LRRTM3: variants seen among roughly 807,000 people sequenced by gnomAD.
The protein encoded by LRRTM3 is leucine rich repeat transmembrane neuronal 3.
In LRRTM3, 24 loss-of-function variants were observed where a neutral mutation model predicts 44.7. The ratio of observed to expected loss-of-function variants is 0.54; its 90% CI spans 0.39 to 0.76. The LOEUF (loss-of-function observed/expected upper bound fraction) is 0.76. Ranked by LOEUF, LRRTM3 falls within the 30% of genes least tolerant of loss-of-function variation. The pLI is 0.00. For synonymous variants in LRRTM3, 277 were observed against 278.7 expected, an observed-to-expected ratio of 0.99 and a Z score of 0.06; for missense variants, 587 against 702.2, an observed-to-expected ratio of 0.84 and a Z score of 1.85.
intron 2 of LRRTM3, among the ~76,000 whole-genome samples, chr10:67,048,770 T>A (rs985903797): frequency 1.3e-5 from 2 of 151,976 alleles, no homozygotes; most frequent in Non-Finnish European, 2.9e-5. Context: ...AAAATGACAA[T>A]AACTGAAAAT....
At chr10:67,046,035 A>T (rs1252725296) in intron 2 of LRRTM3, among the ~76,000 whole-genome samples, 1 of 152,328 alleles carries the variant, frequency 6.6e-6, no homozygotes, top group South Asian at 2.1e-4. Context: ...AATAAAAGTG[A>T]AAAAGAAATA....
intron 2 of LRRTM3, among the ~76,000 whole-genome samples, chr10:67,048,937 T>C (rs1164403113): frequency 1.3e-5 from 2 of 152,038 alleles, no homozygotes; most frequent in South Asian, 4.1e-4. Flanking sequence ...CTTAATTTTA[T>C]ACTTAGTTAT....
At chr10:67,093,970 G>A (rs1857814515) in intron 2 of LRRTM3, among the ~76,000 whole-genome samples, 1 of 151,898 alleles carries the variant, frequency 6.6e-6, no homozygotes, top group South Asian at 2.1e-4. Flanking sequence ...CAGGCAGCAG[G>A]TAGTGCACTG....
chr10:66,991,389 T>C (rs1424581620), intron 2 of LRRTM3, among the ~76,000 whole-genome samples: 2 of 152,170 alleles, frequency 1.3e-5, no homozygotes, highest in South Asian at 2.1e-4. Context: ...TCAACATAAA[T>C]AGCCTACTCA....
chr10:67,072,100 G>T (rs1182176773), intron 2 of LRRTM3, among the ~76,000 whole-genome samples: 1 of 152,026 alleles, frequency 6.6e-6, no homozygotes, highest in Non-Finnish European at 1.5e-5. Flanking sequence ...TTACAGACAT[G>T]CACCACCAAG....
chr10:66,978,552 A>AAATATATATATATATATATAT, intron 2 of LRRTM3, among the ~76,000 whole-genome samples: 5 of 37,884 alleles, frequency 1.3e-4, no homozygotes, highest in South Asian at 1.2e-3. Context: ...AAAAAAAAAA[A>AAATATATATATATATATATAT]ATATATATAT....
chr10:67,078,042 T>C (rs1162987015), intron 2 of LRRTM3, among the ~76,000 whole-genome samples: 2 of 152,200 alleles, frequency 1.3e-5, no homozygotes, highest in East Asian at 1.9e-4. Context: ...ACATCCTAAC[T>C]AGACCACAGA....
chr10:66,966,289 C>G (rs1849406939), intron 2 of LRRTM3, among the ~76,000 whole-genome samples: 1 of 152,010 alleles, frequency 6.6e-6, no homozygotes, highest in African/African-American at 2.4e-5. Flanking sequence ...TTAAATTAAT[C>G]TTTTAAGTAA....
At chr10:67,089,717 A>G (rs142866821) in intron 2 of LRRTM3, among the ~76,000 whole-genome samples, 142 of 144,740 alleles carry the variant, frequency 9.8e-4, no homozygotes, top group Non-Finnish European at 1.8e-3. Flanking sequence ...GTATATACAT[A>G]TGTGTGTGTG....
chr10:66,930,378 G>T (rs776365479), intron 2 of LRRTM3, among the ~76,000 whole-genome samples: 1 of 152,090 alleles, frequency 6.6e-6, no homozygotes, highest in Non-Finnish European at 1.5e-5. Flanking sequence ...GGATGACTGA[G>T]CTTATTGTGA....
At chr10:66,929,347 G>A (rs963245289) in intron 2 of LRRTM3, among the ~76,000 whole-genome samples, 11 of 152,212 alleles carry the variant, frequency 7.2e-5, no homozygotes, top group Non-Finnish European at 1.0e-4. Flanking sequence ...ACAGGCATGT[G>A]GTTGAGAGCT....
intron 2 of LRRTM3, among the ~76,000 whole-genome samples, chr10:67,096,452 C>A (rs527342011): frequency 6.6e-6 from 1 of 151,954 alleles, no homozygotes; most frequent in African/African-American, 2.4e-5. Flanking sequence ...GGAAGTTAGT[C>A]TGATGTGCTC....
intron 2 of LRRTM3, among the ~76,000 whole-genome samples, chr10:67,079,319 T>C (rs902549999): frequency 6.6e-5 from 10 of 152,204 alleles, no homozygotes; most frequent in African/African-American, 2.4e-4. Context: ...AAGCCATGGC[T>C]TGGCTTGCTG....
At chr10:66,938,868 A>G (rs1847856154) in intron 2 of LRRTM3, among the ~76,000 whole-genome samples, 1 of 152,148 alleles carries the variant, frequency 6.6e-6, no homozygotes, top group African/African-American at 2.4e-5. Flanking sequence ...ATACACCTTC[A>G]TTTTTGTAGA....
chr10:67,059,238 TC>T (rs753017956), intron 2 of LRRTM3, among the ~76,000 whole-genome samples: 17 of 152,180 alleles, frequency 1.1e-4, no homozygotes, highest in Non-Finnish European at 1.8e-4. Context: ...ATCACCATTT[TC>T]CAAAAATAAA....
At chr10:66,986,022 G>C (rs559557461) in intron 2 of LRRTM3, among the ~76,000 whole-genome samples, 2 of 152,120 alleles carry the variant, frequency 1.3e-5, no homozygotes, top group East Asian at 3.9e-4. Context: ...CACCATGCCT[G>C]GCCTCACATT....
At chr10:66,940,530 G>A (rs1847943669) in intron 2 of LRRTM3, among the ~76,000 whole-genome samples, 1 of 152,264 alleles carries the variant, frequency 6.6e-6, no homozygotes, top group East Asian at 1.9e-4. Context: ...AATAAAAGAA[G>A]TCCAGTGGTT....
intron 2 of LRRTM3, among the ~76,000 whole-genome samples, chr10:66,992,224 G>T (rs1851081255): frequency 6.6e-6 from 1 of 152,240 alleles, no homozygotes; most frequent in South Asian, 2.1e-4. Flanking sequence ...GCTGTGAGAT[G>T]CAATTTTATT....
At position 66,928,100 on chromosome 10, in the gene LRRTM3, T is replaced by C. The variant is rs766282133; in HGVS notation, c.1184T>C (p.Leu395Ser). The change falls in exon 2 of 3, where the codon TTG becomes TCG. Residue 395 changes from leucine (L) to serine (S), a missense_variant. Physicochemically the swap from Leu to Ser is moderately radical, Grantham distance 145. Coordinates refer to ENST00000361320, the MANE Select transcript of LRRTM3 (RefSeq NM_178011.5). Reference sequence around the variant, plus strand: ...CCGAAGCATGAGAGCAAACCCCCTTTGCCCCCGACGGTGGGAGCCACAGAG... The same window carrying C: ...CCGAAGCATGAGAGCAAACCCCCTTCGCCCCCGACGGTGGGAGCCACAGAG... ...PRPKHESKPPLPPTVGATEPG... is the reference protein window; with the variant it reads ...PRPKHESKPPSPPTVGATEPG... The C allele has an allele frequency of 6.2e-7, 1 of 1,613,948 alleles. No individual in the cohort carries two copies. The highest frequency in any genetic ancestry group is 8.5e-7 in the Non-Finnish European group (1 of 1,180,048).
Sources: gnomAD v4.1 joint callset for allele counts (sites outside exome capture counted in the v4.1 genomes callset) on GRCh38, gnomAD v4.1.1 for gene constraint, MANE v1.5 for transcripts, NCBI Gene and HGNC (gene_info 2026-07-23, HGNC 2026-07-21) for gene names.